CCDC125: variants seen among roughly 807,000 people sequenced by gnomAD.
CCDC125 encodes coiled-coil domain containing 125, also known as coiled-coil domain-containing protein 125.
A neutral mutation model predicts 57.4 loss-of-function variants in CCDC125; 43 were observed. The ratio of observed to expected loss-of-function variants is 0.75; its 90% CI spans 0.59 to 0.97. The LOEUF (loss-of-function observed/expected upper bound fraction) is 0.97. CCDC125 is among the 50% of genes least tolerant of loss of function. The pLI, the probability that CCDC125 is intolerant of heterozygous loss-of-function variation, is 0.00. For synonymous variants in CCDC125, 187 were observed against 195.2 expected (o/e 0.96, Z 0.35); for missense variants, 563 against 595.7 (o/e 0.95, Z 0.57).
At chr5:69,298,400 C>T (rs1755781584) in intron 8 of CCDC125, among the ~76,000 whole-genome samples, 1 of 152,218 alleles carries the variant, frequency 6.6e-6, no homozygotes, top group African/African-American at 2.4e-5. Context: ...TCCACTGCCT[C>T]CCTTAGTGTA....
chr5:69,316,834 A>G (rs1354400181), intron 2 of CCDC125, among the ~76,000 whole-genome samples: 1 of 152,136 alleles, frequency 6.6e-6, no homozygotes, highest in East Asian at 1.9e-4. Flanking sequence ...TCTGACCTAC[A>G]GAACTGTAAA....
intron 3 of CCDC125, 84 bp from the exon 4 acceptor site, chr5:69,311,288 T>C: frequency 1.3e-6 from 1 of 779,684 alleles, no homozygotes; most frequent in Non-Finnish European, 2.1e-6. Flanking sequence ...ACATTTACCC[T>C]TGGCTCAAAC....
At chr5:69,312,246 G>A (rs1758278776) in intron 3 of CCDC125, among the ~76,000 whole-genome samples, 1 of 152,198 alleles carries the variant, frequency 6.6e-6, no homozygotes, top group South Asian at 2.1e-4. Flanking sequence ...ATTGCAGCAA[G>A]CATCAGAAGC....
intron 7 of CCDC125, 137 bp from the exon 8 acceptor site, chr5:69,300,264 T>C (rs1203666685): frequency 3.0e-6 from 2 of 657,266 alleles, no homozygotes; most frequent in Non-Finnish European, 2.8e-6. Flanking sequence ...TCAGAAAACC[T>C]ATCTGATAGA....
At chr5:69,277,021 G>C, downstream of CCDC125, 1 of 1,107,938 alleles carries the variant, frequency 9.0e-7, no homozygotes, top group Non-Finnish European at 1.3e-6. Context: ...TAGTTGGAAT[G>C]CAGTGACTGG....
intron 3 of CCDC125, chr5:69,313,748 T>G: frequency 1.3e-6 from 1 of 780,150 alleles, no homozygotes; most frequent in Non-Finnish European, 2.4e-6. Context: ...CTTCTTGTCT[T>G]CACTCAGGCG....
intron 10 of CCDC125, among the ~76,000 whole-genome samples, chr5:69,288,758 G>A (rs1345478704): frequency 2.0e-5 from 3 of 152,180 alleles, no homozygotes; most frequent in Non-Finnish European, 4.4e-5. Flanking sequence ...TGGAGTGCAG[G>A]CCATCTTGTG....
At chr5:69,274,376 T>C in the CCDC125 span, among the ~76,000 whole-genome samples, 1 of 152,198 alleles carries the variant, frequency 6.6e-6, no homozygotes, top group African/African-American at 2.4e-5. Flanking sequence ...GGCTCACACC[T>C]GTAATCCCAG....
chr5:69,324,781 G>C (rs1015579837), intron 1 of CCDC125, among the ~76,000 whole-genome samples: 1 of 152,196 alleles, frequency 6.6e-6, no homozygotes, highest in African/African-American at 2.4e-5. Flanking sequence ...GGGAGGCTGA[G>C]GTGTGAGAAT....
At chr5:69,276,726 T>C (rs1752180682), downstream of CCDC125, 1 of 1,581,324 alleles carries the variant, frequency 6.3e-7, no homozygotes, top group Non-Finnish European at 8.6e-7. Flanking sequence ...TTAAATGAAT[T>C]TAGAAAACTC....
chr5:69,325,017 C>T (rs1318784179), intron 1 of CCDC125, among the ~76,000 whole-genome samples: 2 of 152,168 alleles, frequency 1.3e-5, no homozygotes, highest in Admixed American at 1.3e-4. Flanking sequence ...ATCTTCACCA[C>T]AGTGGCCACT....
chr5:69,299,713 G>A (rs934575332), intron 8 of CCDC125, among the ~76,000 whole-genome samples: 2 of 152,196 alleles, frequency 1.3e-5, no homozygotes, highest in African/African-American at 2.4e-5. Context: ...GCACTCAAAC[G>A]GTAAGCCCCG....
chr5:69,290,629 C>CTTTTTTT (rs373663120), intron 10 of CCDC125, among the ~76,000 whole-genome samples: 21 of 117,782 alleles, frequency 1.8e-4, no homozygotes, highest in Non-Finnish European at 2.6e-4. Context: ...TCTTTTTTTT[C>CTTTTTTT]TTTTTTTTTT....
Position 69,283,418 on chromosome 5 carries a change from C to G in CCDC125, c.1231-384G>C, listed in dbSNP as rs140923199. On this transcript the variant is annotated intron_variant, in intron 11 of 11. Transcript: ENST00000396496. Reference sequence around the variant, plus strand: ...GCATTTTTTAGTAGAGACGGGGTTTCACTGTGTTTGCCAGGATGGTCTGAA... The same window carrying G: ...GCATTTTTTAGTAGAGACGGGGTTTGACTGTGTTTGCCAGGATGGTCTGAA... Among the ~76,000 whole-genome samples the G allele has an allele frequency of 1.6e-3, 248 of 152,134 alleles. 1 individual carries two copies. Among genetic ancestry groups the G allele is most frequent in the African/African-American group, 5.1e-3 (211 of 41,504 alleles).
chr5:69,326,072 C>T (rs1036288810), intron 1 of CCDC125, among the ~76,000 whole-genome samples: 4 of 152,038 alleles, frequency 2.6e-5, no homozygotes, highest in South Asian at 2.1e-4. Context: ...TTTGACCTCA[C>T]GGGATCCTTC....
rs1430318662 is a variant in CCDC125 at position 69,320,696 on chromosome 5, T to C, written c.-40-116A>G. 5 of 615,576 alleles carry C rather than the reference T, an allele frequency of 8.1e-6. No individual in the cohort carries two copies. The Admixed American group carries it at 8.8e-5, about 11-fold the overall frequency. 38.1% of individuals were successfully genotyped at this position (615,576 alleles called of 1,614,324 possible). A position where few individuals can be genotyped will look rare whatever the true frequency, so the allele number is the denominator to read the frequency against. ...TGTCAAAGAGATGTCTACATTCCCA[T>C]GTTTGCTGTAGCACTGTTCACAATA... On this transcript the variant is annotated intron_variant, in intron 1 of 11. Transcript: ENST00000396496.
downstream of CCDC125, chr5:69,277,067 G>A: frequency 6.5e-7 from 1 of 1,549,484 alleles, no homozygotes; most frequent in South Asian, 1.2e-5. Context: ...TTTGTTAAAT[G>A]TGAACAACTT....
downstream of CCDC125, chr5:69,277,206 C>A: frequency 1.8e-6 from 2 of 1,128,918 alleles, no homozygotes; most frequent in Non-Finnish European, 1.3e-6. Flanking sequence ...AAATAGTAAA[C>A]ATTAAGTAAA....
chr5:69,294,201 A>G (rs2150364780), intron 9 of CCDC125: 5 of 904,412 alleles, frequency 5.5e-6, no homozygotes, highest in Non-Finnish European at 6.6e-6. Flanking sequence ...CTTCTATTAT[A>G]TAGTAATTTT....
Sources: allele counts gnomAD v4.1 joint callset (sites outside exome capture counted in the v4.1 genomes callset), GRCh38; gene constraint gnomAD v4.1.1; transcripts MANE v1.5; gene names NCBI Gene and HGNC (gene_info 2026-07-23, HGNC 2026-07-21).